The following LRRIQ3 variants were observed in gnomAD, a reference collection of about 807,000 sequenced individuals.
The protein encoded by LRRIQ3 is leucine-rich repeat and IQ domain-containing protein 3.
Under a neutral mutation model 59.3 loss-of-function variants are expected in LRRIQ3, and 75 were observed. The ratio of observed to expected loss-of-function variants is 1.26; its 90% CI spans 1.05 to 1.53. The LOEUF (loss-of-function observed/expected upper bound fraction) is 1.53, where lower values mean the gene tolerates loss of function less well. Among genes scored for constraint, LRRIQ3 ranks in the 40% most tolerant of loss-of-function variants. The pLI is 0.00. For missense variants in LRRIQ3, 831 were observed against 710.0 expected (o/e 1.17, Z -1.94); for synonymous variants, 250 against 231.3 (o/e 1.08, Z -0.73).
intron 7 of LRRIQ3, among the ~76,000 whole-genome samples, chr1:74,034,651 C>CGT (rs1653815066): frequency 6.6e-6 from 1 of 151,562 alleles, no homozygotes; most frequent in South Asian, 2.1e-4. Flanking sequence ...CACACACACA[C>CGT]ACACACACAC....
chr1:74,044,194 C>T (rs959512666), intron 6 of LRRIQ3, among the ~76,000 whole-genome samples: 2 of 152,030 alleles, frequency 1.3e-5, no homozygotes, highest in African/African-American at 4.8e-5. Flanking sequence ...CAGCCCCTAG[C>T]CTACTATTTT....
intron 7 of LRRIQ3, among the ~76,000 whole-genome samples, chr1:74,035,116 A>C (rs1264539767): frequency 6.6e-6 from 1 of 152,082 alleles, no homozygotes; most frequent in African/African-American, 2.4e-5. Flanking sequence ...CTCTAAATTA[A>C]GAAAAACTGT....
At chr1:74,176,612 T>C (rs1268114447) in intron 3 of LRRIQ3, among the ~76,000 whole-genome samples, 2 of 148,574 alleles carry the variant, frequency 1.3e-5, no homozygotes, top group African/African-American at 5.0e-5. Context: ...TATAATTCCA[T>C]GGATACCTGA....
intron 1 of LRRIQ3, among the ~76,000 whole-genome samples, chr1:74,190,665 A>G (rs1650703544): frequency 6.6e-6 from 1 of 151,948 alleles, no homozygotes. Flanking sequence ...AGAGAACATC[A>G]TGTAGGATAA....
chr1:74,035,440 G>A (rs916220765), intron 7 of LRRIQ3, among the ~76,000 whole-genome samples: 1 of 151,866 alleles, frequency 6.6e-6, no homozygotes, highest in Admixed American at 6.6e-5. Context: ...AATGTTCCTT[G>A]GCAATTAATA....
intron 4 of LRRIQ3, among the ~76,000 whole-genome samples, chr1:74,141,955 ATAT>A (rs1456673510): frequency 1.3e-5 from 2 of 151,062 alleles, no homozygotes; most frequent in Non-Finnish European, 3.0e-5. Flanking sequence ...GTGCTGAATA[ATAT>A]TATTCTGAAT....
intron 7 of LRRIQ3, 105 bp from the exon 8 acceptor site, chr1:74,027,074 C>A: frequency 1.4e-6 from 1 of 728,324 alleles, no homozygotes; most frequent in Non-Finnish European, 2.1e-6. Context: ...TCGAAATAGG[C>A]ATATACAAGT....
chr1:74,139,171 C>A (rs1279874627), intron 4 of LRRIQ3, among the ~76,000 whole-genome samples: 1 of 147,926 alleles, frequency 6.8e-6, no homozygotes, highest in African/African-American at 2.5e-5. Context: ...TACACACATA[C>A]ATAAATGTAA....
intron 3 of LRRIQ3, among the ~76,000 whole-genome samples, chr1:74,173,673 AT>A (rs1195266957): frequency 2.0e-5 from 3 of 152,048 alleles, no homozygotes; most frequent in Non-Finnish European, 2.9e-5. Context: ...CATATTGTAT[AT>A]TCAGTAACAA....
chr1:74,190,167 C>T (rs552473269), intron 1 of LRRIQ3, among the ~76,000 whole-genome samples: 7 of 152,112 alleles, frequency 4.6e-5, no homozygotes, highest in African/African-American at 1.7e-4. Flanking sequence ...TACAGAAACT[C>T]ATCAGGAACA....
At chr1:74,040,438 G>T (rs1027866258) in intron 7 of LRRIQ3, among the ~76,000 whole-genome samples, 6 of 152,092 alleles carry the variant, frequency 3.9e-5, no homozygotes, top group African/African-American at 1.4e-4. Context: ...GGATCAAGTG[G>T]ACCTAATAGA....
intron 7 of LRRIQ3, among the ~76,000 whole-genome samples, chr1:74,028,313 G>A (rs1233395057): frequency 6.6e-6 from 1 of 152,004 alleles, no homozygotes; most frequent in Admixed American, 6.6e-5. Context: ...TTGATGATGT[G>A]ATTTTAGACA....
At chr1:74,121,560 G>T (rs1051263391) in intron 4 of LRRIQ3, among the ~76,000 whole-genome samples, 3 of 151,768 alleles carry the variant, frequency 2.0e-5, no homozygotes, top group Admixed American at 6.6e-5. Flanking sequence ...TAGTAATTTT[G>T]GTTACAGATC....
At position 74,155,815 on chromosome 1, in the gene LRRIQ3, T is replaced by C. The variant is rs200030856; in HGVS notation, c.625A>G (p.Ile209Val). The C allele has an allele frequency of 6.3e-7, 1 of 1,583,972 alleles. No individual in the cohort carries two copies. Among genetic ancestry groups the C allele is most frequent in the African/African-American group, 1.4e-5 (1 of 73,644 alleles). The change falls in exon 4 of 8, where the codon ATT becomes GTT. Residue 209 changes from isoleucine to valine, a missense_variant. Physicochemically the swap from Ile to Val is conservative, Grantham distance 29. Transcript: ENST00000354431. ...INNIKHITSK[I>V]NAILAHNSPV... ...GAATTATGAGCCAGAATTGCATTAA[T>C]TTTTGAAGTAATATGTTTAATATTA...
In LRRIQ3 at chr1:74,031,219, C is replaced by A. The variant is rs997838150; in HGVS notation, c.1719-4250G>T. Among the ~76,000 whole-genome samples the A allele has an allele frequency of 9.2e-5, 14 of 152,126 alleles. 1 individual carries two copies. The highest frequency in any genetic ancestry group is 7.7e-4 in the East Asian group (4 of 5,186). On this transcript the variant is annotated intron_variant, in intron 7 of 7. Coordinates refer to ENST00000354431, the MANE Select transcript of LRRIQ3 (RefSeq NM_001105659.2). ...GACAGTGTGGCAATTCCTCAGGGATCTAGAACTAGAAATACCATTTGACCC... is the reference window on the plus strand; with the variant it reads ...GACAGTGTGGCAATTCCTCAGGGATATAGAACTAGAAATACCATTTGACCC...
intron 6 of LRRIQ3, among the ~76,000 whole-genome samples, chr1:74,068,809 C>G (rs908631377): frequency 6.0e-5 from 9 of 150,550 alleles, no homozygotes; most frequent in African/African-American, 2.2e-4. Context: ...GTCATTCCAG[C>G]AAACAATTTA....
At chr1:74,131,608 G>C (rs1306678262) in intron 4 of LRRIQ3, among the ~76,000 whole-genome samples, 2 of 152,004 alleles carry the variant, frequency 1.3e-5, no homozygotes, top group African/African-American at 4.8e-5. Context: ...CATATAAACA[G>C]AACCAAAGAC....
intron 5 of LRRIQ3, among the ~76,000 whole-genome samples, chr1:74,087,381 C>CTTTTTTTTTTTTTT (rs57068994): frequency 1.2e-4 from 7 of 59,010 alleles, no homozygotes; most frequent in African/African-American, 5.0e-4. Flanking sequence ...AAAATTTTAT[C>CTTTTTTTTTTTTTT]TTTTTTTTTT....
At chr1:74,089,854 T>G (rs911017039) in intron 5 of LRRIQ3, among the ~76,000 whole-genome samples, 4 of 152,062 alleles carry the variant, frequency 2.6e-5, no homozygotes. Context: ...AAGATGTTTT[T>G]AAAAATGGTG....
Sources: allele counts gnomAD v4.1 joint callset (sites outside exome capture counted in the v4.1 genomes callset), GRCh38; gene constraint gnomAD v4.1.1; transcripts MANE v1.5; gene names NCBI Gene and HGNC (gene_info 2026-07-23, HGNC 2026-07-21).